The following ATP8A1 variants were observed in gnomAD, a reference collection of about 807,000 sequenced individuals.
The protein encoded by ATP8A1 is ATPase phospholipid transporting 8A1, also known as phospholipid-transporting ATPase IA.
A neutral mutation model predicts 177.7 loss-of-function variants in ATP8A1; 90 were observed. The observed-to-expected ratio is 0.51, with a 90% CI of 0.43 to 0.60. The LOEUF (loss-of-function observed/expected upper bound fraction) is 0.60, where lower values mean the gene tolerates loss of function less well. ATP8A1 is among the 20% of genes least tolerant of loss of function. The pLI is 0.00. For synonymous variants in ATP8A1, 493 were observed against 485.9 expected (o/e 1.01, Z -0.19); for missense variants, 1,072 against 1,392.8 (o/e 0.77, Z 3.67).
chr4:42,624,508 T>C (rs1737833130), intron 4 of ATP8A1, 28 bp downstream of exon 4: 1 of 1,234,502 alleles, frequency 8.1e-7, no homozygotes, highest in Non-Finnish European at 1.1e-6. Flanking sequence ...CAAAGTCACA[T>C]ACAATTATGA....
chr4:42,639,956 T>C (rs1027591797), intron 1 of ATP8A1, among the ~76,000 whole-genome samples: 1 of 152,230 alleles, frequency 6.6e-6, no homozygotes, highest in African/African-American at 2.4e-5. Context: ...TTTGCATGGA[T>C]TCAACATAGT....
intron 35 of ATP8A1, among the ~76,000 whole-genome samples, chr4:42,419,467 T>G (rs188217380): frequency 6.6e-6 from 1 of 152,294 alleles, no homozygotes; most frequent in East Asian, 1.9e-4. Flanking sequence ...AGTACAGAGA[T>G]AGTAGGCTAG....
At chr4:42,477,197 A>G (rs950331327) in intron 25 of ATP8A1, among the ~76,000 whole-genome samples, 1 of 152,240 alleles carries the variant, frequency 6.6e-6, no homozygotes, top group African/African-American at 2.4e-5. Flanking sequence ...GTGAATGAAT[A>G]AATTTCAAAA....
rs1477576809 is a variant in ATP8A1 at position 42,507,809 on chromosome 4, A to AAC, written c.1948-656_1948-655insGT. 1.2e-3 allele frequency among the ~76,000 whole-genome samples: 162 copies of AAC among 139,454 alleles called. 3 individuals carry two copies. The highest frequency in any genetic ancestry group is 4.5e-3 in the African/African-American group (156 of 34,296). 91.5% of individuals were successfully genotyped at this position (139,454 alleles called of 152,430 possible). On this transcript the variant is annotated intron_variant, in intron 22 of 36. Coordinates refer to ENST00000381668, the MANE Select transcript of ATP8A1 (RefSeq NM_006095.2). ...AAAAAAAAAAAAAAAAAAAAAAAAA[A>AAC]CATACAAACAGCTATGGGAGACTAC...
chr4:42,643,255 AAAG>A (rs780878801), intron 1 of ATP8A1, among the ~76,000 whole-genome samples: 21 of 152,260 alleles, frequency 1.4e-4, no homozygotes, highest in Non-Finnish European at 2.9e-4. Flanking sequence ...TATTCAGAGA[AAAG>A]AAGATGAGGG....
intron 24 of ATP8A1, among the ~76,000 whole-genome samples, chr4:42,494,629 A>G (rs1723083347): frequency 6.6e-6 from 1 of 152,184 alleles, no homozygotes; most frequent in South Asian, 2.1e-4. Context: ...GTCTCATGTG[A>G]CATATAGCTC....
intron 9 of ATP8A1, 128 bp from the exon 10 acceptor site, chr4:42,581,860 T>C (rs1733118095): frequency 6.0e-6 from 4 of 671,750 alleles, no homozygotes; most frequent in Non-Finnish European, 1.0e-5. Context: ...GGAAAGTAAT[T>C]TCCCCCCAGT....
At chr4:42,618,363 T>C (rs1183504552) in intron 4 of ATP8A1, among the ~76,000 whole-genome samples, 3 of 152,204 alleles carry the variant, frequency 2.0e-5, no homozygotes, top group Non-Finnish European at 4.4e-5. Flanking sequence ...TTATAACCAG[T>C]ACATAAATAT....
At chr4:42,552,916 G>T (rs1323597434) in intron 16 of ATP8A1, among the ~76,000 whole-genome samples, 2 of 152,148 alleles carry the variant, frequency 1.3e-5, no homozygotes, top group Non-Finnish European at 2.9e-5. Flanking sequence ...GAGGCGGGAG[G>T]CGGAGGTTGC....
chr4:42,415,623 T>C (rs1180655920), intron 35 of ATP8A1, among the ~76,000 whole-genome samples: 3 of 152,186 alleles, frequency 2.0e-5, no homozygotes, highest in Non-Finnish European at 2.9e-5. Flanking sequence ...ATAATAGGCA[T>C]GAGAAACAAA....
At chr4:42,468,865 A>T (rs1720098661) in intron 25 of ATP8A1, among the ~76,000 whole-genome samples, 1 of 152,242 alleles carries the variant, frequency 6.6e-6, no homozygotes, top group South Asian at 2.1e-4. Context: ...ATTCTGAAAC[A>T]TCAGTTGGTT....
In ATP8A1 at chr4:42,448,985, G is replaced by A. The variant is rs573838519; in HGVS notation, c.2897-2341C>T. On this transcript the variant is annotated intron_variant, in intron 30 of 36. Coordinates refer to ENST00000381668, the MANE Select transcript of ATP8A1 (RefSeq NM_006095.2). Reference sequence around the variant, plus strand: ...TGAGTAGCTGGGACCACAGGCATGCGCCTCCACACCTGGCTAATTTTTGTA... The same window carrying A: ...TGAGTAGCTGGGACCACAGGCATGCACCTCCACACCTGGCTAATTTTTGTA... Among the ~76,000 whole-genome samples, 10 of 151,782 alleles carry A rather than the reference G, an allele frequency of 6.6e-5. No homozygotes were observed. The East Asian group carries it at 1.8e-3, about 27-fold the overall frequency.
chr4:42,467,126 T>C (rs1250090426), intron 25 of ATP8A1, among the ~76,000 whole-genome samples: 1 of 152,160 alleles, frequency 6.6e-6, no homozygotes, highest in Non-Finnish European at 1.5e-5. Context: ...TTAAAAAGCA[T>C]CAGAAAAGAG....
At chr4:42,646,529 C>G (rs1013060516) in intron 1 of ATP8A1, among the ~76,000 whole-genome samples, 3 of 152,204 alleles carry the variant, frequency 2.0e-5, no homozygotes, top group Non-Finnish European at 4.4e-5. Context: ...AGGTCAATTA[C>G]AGAAGCTGAA....
At chr4:42,640,163 C>T (rs897881972) in intron 1 of ATP8A1, among the ~76,000 whole-genome samples, 18 of 152,194 alleles carry the variant, frequency 1.2e-4, no homozygotes, top group African/African-American at 4.1e-4. Flanking sequence ...TGGGAGTCTA[C>T]AGATGTGCTT....
intron 25 of ATP8A1, chr4:42,472,012 A>C (rs900166361): frequency 5.6e-6 from 4 of 720,058 alleles, no homozygotes; most frequent in Non-Finnish European, 1.1e-5. Context: ...CCTGTTCCTC[A>C]ACTGAAATCT....
At chr4:42,638,230 T>C (rs1739586533) in intron 1 of ATP8A1, among the ~76,000 whole-genome samples, 1 of 152,236 alleles carries the variant, frequency 6.6e-6, no homozygotes, top group Admixed American at 6.5e-5. Flanking sequence ...ACATGGTAAA[T>C]GACATGTTTC....
intron 24 of ATP8A1, among the ~76,000 whole-genome samples, chr4:42,492,321 A>G (rs1281716601): frequency 6.6e-6 from 1 of 152,202 alleles, no homozygotes; most frequent in Non-Finnish European, 1.5e-5. Context: ...ATTCTGCATT[A>G]TACTTTGAGT....
intron 33 of ATP8A1, among the ~76,000 whole-genome samples, chr4:42,434,645 C>T (rs1447189804): frequency 6.6e-6 from 1 of 152,216 alleles, no homozygotes; most frequent in East Asian, 1.9e-4. Flanking sequence ...TCAAAGGCTA[C>T]ATCCCTCTGG....
Sources: gnomAD v4.1 joint callset for allele counts (sites outside exome capture counted in the v4.1 genomes callset) on GRCh38, gnomAD v4.1.1 for gene constraint, MANE v1.5 for transcripts, NCBI Gene and HGNC (gene_info 2026-07-23, HGNC 2026-07-21) for gene names.